The following APTX variants were observed in gnomAD, a reference collection of about 807,000 sequenced individuals.
The protein encoded by APTX is aprataxin.
Under a neutral mutation model 42.3 loss-of-function variants are expected in APTX, and 33 were observed. The ratio of observed to expected loss-of-function variants is 0.78; its 90% confidence interval spans 0.59 to 1.04. The LOEUF (loss-of-function observed/expected upper bound fraction) is 1.04. APTX is among the 50% of genes least tolerant of loss of function. The probability of loss-of-function intolerance (pLI) is 0.00; values close to 1 mark genes in which losing one functional copy is unlikely to be tolerated. For missense variants in APTX, 421 were observed against 415.1 expected (o/e 1.01, Z -0.12); for synonymous variants, 130 against 146.7 (o/e 0.89, Z 0.82).
intron 6 of APTX, among the ~76,000 whole-genome samples, chr9:32,976,053 T>A (rs1248276482): frequency 6.6e-6 from 1 of 152,198 alleles, no homozygotes; most frequent in African/African-American, 2.4e-5. Context: ...AAAAACAAAT[T>A]TTGTTTTGTT....
chr9:32,986,114 AG>A, intron 4 of APTX, 84 bp from the exon 5 acceptor site: 5 of 1,268,976 alleles, frequency 3.9e-6, no homozygotes, highest in Non-Finnish European at 5.7e-6. Flanking sequence ...ATTTGGCAAC[AG>A]TTAATACTGT....
intron 2 of APTX, among the ~76,000 whole-genome samples, chr9:32,989,009 C>T (rs1004767264): frequency 1.3e-5 from 2 of 152,184 alleles, no homozygotes; most frequent in East Asian, 1.9e-4. Context: ...ACCACCATAG[C>T]TGCTCCCCAG....
In APTX at chr9:32,987,628, C is replaced by G; in HGVS notation, c.399G>C (p.Glu133Asp). The change falls in exon 4 of 8, where the codon GAG becomes GAC. Residue 133 changes from glutamate (E) to aspartate (D), a missense_variant. Coordinates refer to ENST00000379817, the MANE Select transcript of APTX (RefSeq NM_001195248.2). The stretch of plus-strand genomic sequence containing the variant: ...TCCCAGGTTCCAGCCCTGTCCCAGC[C>G]TCAGCTTCCTGAGCAGCATCCCTTT... ...SIERDAAQEA[E>D]AGTGLEPGSN... 1 of 1,614,232 alleles carries G rather than the reference C, an allele frequency of 6.2e-7. No individual in the cohort carries two copies. Among genetic ancestry groups the G allele is most frequent in the East Asian group, 2.2e-5 (1 of 44,884 alleles).
At chr9:33,012,889 G>A (rs1428857523) in intron 1 of APTX, among the ~76,000 whole-genome samples, 1 of 152,192 alleles carries the variant, frequency 6.6e-6, no homozygotes, top group African/African-American at 2.4e-5. Context: ...AAGATTGTCT[G>A]AAATCTGGGT....
chr9:33,019,076 T>C (rs916120395), intron 1 of APTX, among the ~76,000 whole-genome samples: 1 of 152,220 alleles, frequency 6.6e-6, no homozygotes, highest in Non-Finnish European at 1.5e-5. Flanking sequence ...AATAATAATG[T>C]ATCAACGTTG....
intron 1 of APTX, chr9:33,019,686 T>C: frequency 2.1e-6 from 1 of 484,784 alleles, no homozygotes; most frequent in Non-Finnish European, 3.7e-6. Context: ...CCTCGCCCCA[T>C]TTTCCCAGGC....
chr9:32,976,175 C>G (rs1829344215), intron 6 of APTX, among the ~76,000 whole-genome samples: 2 of 132,234 alleles, frequency 1.5e-5, no homozygotes, highest in African/African-American at 5.7e-5. Context: ...GGGAACTAAA[C>G]AATGAGATCA....
intron 1 of APTX, among the ~76,000 whole-genome samples, chr9:33,022,697 A>G (rs1031602964): frequency 6.6e-6 from 1 of 152,254 alleles, no homozygotes; most frequent in Non-Finnish European, 1.5e-5. Context: ...TTATCCTGGC[A>G]TAGTAAGATG....
At chr9:32,985,556 G>A (rs1331887006) in intron 5 of APTX, among the ~76,000 whole-genome samples, 2 of 151,872 alleles carry the variant, frequency 1.3e-5, no homozygotes, top group Admixed American at 6.6e-5. Context: ...GGCTGATCTC[G>A]AACTCCTGAC....
At chr9:33,012,384 C>A (rs4879656) in intron 1 of APTX, among the ~76,000 whole-genome samples, 57,558 of 152,028 alleles carry the variant, frequency 0.38, 11,354 homozygotes, top group African/African-American at 0.46. Context: ...ATTGATTCTC[C>A]CCTTTCAGAA....
intron 1 of APTX, among the ~76,000 whole-genome samples, chr9:33,011,219 GA>G (rs905460204): frequency 1.4e-4 from 21 of 151,958 alleles, no homozygotes; most frequent in Non-Finnish European, 2.9e-4. Flanking sequence ...CCTGAAAGAA[GA>G]AAAAAGTCAT....
intron 6 of APTX, among the ~76,000 whole-genome samples, chr9:32,975,590 T>C (rs1030495314): frequency 1.3e-5 from 2 of 151,984 alleles, no homozygotes; most frequent in Non-Finnish European, 2.9e-5. Flanking sequence ...TCCCAGCTAC[T>C]TGGGAGGCTG....
intron 1 of APTX, among the ~76,000 whole-genome samples, chr9:32,995,353 T>C (rs1260795667): frequency 1.3e-5 from 2 of 152,184 alleles, no homozygotes; most frequent in Non-Finnish European, 2.9e-5. Flanking sequence ...TTGGAAAAAG[T>C]TGATTCCAAC....
intron 6 of APTX, among the ~76,000 whole-genome samples, chr9:32,977,692 G>A (rs1307483197): frequency 2.6e-5 from 4 of 151,986 alleles, no homozygotes; most frequent in Admixed American, 6.5e-5. Flanking sequence ...TTAGCTGGGC[G>A]TGGTGGCGCA....
At chr9:32,981,436 G>GTA (rs1014235352) in intron 6 of APTX, among the ~76,000 whole-genome samples, 1 of 152,138 alleles carries the variant, frequency 6.6e-6, no homozygotes, top group African/African-American at 2.4e-5. Context: ...GTGTGTGTGT[G>GTA]TATGGCTTAG....
Position 33,019,832 on chromosome 9 carries a change from C to A in APTX, c.-5+5191G>T, listed in dbSNP as rs139309336. ...TTTCCAGCGGACGGCCAGGATCCTG[C>A]CGCTCACTGTGAGATCCTTCCCAAC... On this transcript the variant is annotated intron_variant, in intron 1 of 6. Coordinates refer to the APTX transcript ENST00000436040. 1.4e-3 allele frequency: 874 copies of A among 643,556 alleles called. 7 individuals are homozygous for A. In the African/African-American group the frequency reaches 0.015, roughly 11 times the overall value. 39.9% of individuals were successfully genotyped at this position (643,556 alleles called of 1,614,324 possible).
intron 1 of APTX, 67 bp from the exon 2 acceptor site, chr9:32,989,962 C>T (rs1011473538): frequency 1.9e-6 from 3 of 1,555,958 alleles, no homozygotes; most frequent in South Asian, 1.2e-5. Context: ...CAGGGCCACA[C>T]CCGGTGCCAC....
At chr9:32,995,821 G>T (rs1360695693) in intron 1 of APTX, among the ~76,000 whole-genome samples, 1 of 151,372 alleles carries the variant, frequency 6.6e-6, no homozygotes, top group East Asian at 1.9e-4. Flanking sequence ...CCGGGAGGCG[G>T]AGCTTGCAGT....
intron 6 of APTX, among the ~76,000 whole-genome samples, chr9:32,983,549 G>GA (rs1203940171): frequency 1.3e-5 from 2 of 152,054 alleles, no homozygotes; most frequent in African/African-American, 4.8e-5. Flanking sequence ...ACTGACTAGG[G>GA]AAAAATCTGG....
Sources: gnomAD v4.1 joint callset for allele counts (sites outside exome capture counted in the v4.1 genomes callset) on GRCh38, gnomAD v4.1.1 for gene constraint, MANE v1.5 for transcripts, NCBI Gene and HGNC (gene_info 2026-07-23, HGNC 2026-07-21) for gene names.